Variants in DYNC2H1 observed in about 807,000 individuals in gnomAD.
DYNC2H1 encodes cytoplasmic dynein 2 heavy chain 1.
In DYNC2H1, 410 loss-of-function variants were observed where a neutral mutation model predicts 570.0. The observed-to-expected ratio is 0.72, with a 90% CI of 0.66 to 0.78. The LOEUF is 0.78. Ranked by LOEUF, DYNC2H1 falls within the 30% of genes least tolerant of loss-of-function variation. The pLI is 0.00. For missense variants in DYNC2H1, 4,865 were observed against 5,046.4 expected, an observed-to-expected ratio of 0.96 and a Z score of 1.09; for synonymous variants, 1,688 against 1,677.6, an observed-to-expected ratio of 1.01 and a Z score of -0.15.
chr11:103,256,286 A>G lies in DYNC2H1; in HGVS notation c.10461+46A>G. On this transcript the variant is annotated intron_variant, in intron 68 of 88. Coordinates refer to ENST00000375735, the MANE Select transcript of DYNC2H1 (RefSeq NM_001377.3). The surrounding 1 kb of genome is among the most constrained non-coding windows in gnomAD (Gnocchi z 4.0). ...AATTTCGTATTATGTTTTCTTGAAC[A>G]TTTAGGTTAATATGATAGAAAATGT... The G allele has an allele frequency of 6.6e-7, 1 of 1,524,314 alleles. No homozygotes were observed. Among genetic ancestry groups the G allele is most frequent in the Non-Finnish European group, 8.9e-7 (1 of 1,127,418 alleles). The allele number at this position is 1,524,314 out of a possible 1,614,324, so 94.4% of individuals were successfully genotyped here. A position where few individuals can be genotyped will look rare whatever the true frequency, so the allele number is the denominator to read the frequency against.
chr11:103,156,888 A>G, intron 26 of DYNC2H1, 118 bp downstream of exon 26: 2 of 1,287,428 alleles, frequency 1.6e-6, no homozygotes, highest in Non-Finnish European at 2.1e-6. Context: ...CTGTGTATTC[A>G]AATTCTTTCC....
At chr11:103,266,550 G>C (rs564697966) in intron 70 of DYNC2H1, among the ~76,000 whole-genome samples, 4 of 152,146 alleles carry the variant, frequency 2.6e-5, no homozygotes, top group Non-Finnish European at 5.9e-5. Flanking sequence ...CTCTTTTTGC[G>C]ATGGTGGTGG....
intron 85 of DYNC2H1, among the ~76,000 whole-genome samples, chr11:103,450,604 T>C (rs963828924): frequency 6.6e-6 from 1 of 151,914 alleles, no homozygotes. Flanking sequence ...AAAGAAGATA[T>C]CAAAAATAAA....
rs1859372229 is a variant in DYNC2H1, at chr11:103,133,364, G to T, written c.1954-191G>T. On this transcript the variant is annotated intron_variant, in intron 13 of 88. Transcript: ENST00000375735. The surrounding 1 kb of genome is among the most constrained non-coding windows in gnomAD (Gnocchi z 4.8). ...TGTCTAGGGCTTTTTAGTTGTAAAA[G>T]GGAGAAGCTGGAAGAAATGGGCTAC... is the stretch of plus-strand genomic sequence containing the variant. Among the ~76,000 whole-genome samples, 1 of 152,122 alleles carries T rather than the reference G, an allele frequency of 6.6e-6. No individual in the cohort carries two copies. The highest frequency in any genetic ancestry group is 6.5e-5 in the Admixed American group (1 of 15,270).
At chr11:103,159,113 A>T in intron 28 of DYNC2H1, 86 bp downstream of exon 28, 8 of 997,036 alleles carry the variant, frequency 8.0e-6, no homozygotes, top group South Asian at 1.5e-5. Flanking sequence ...TAGACTACTG[A>T]ATACAGCAGT....
At chr11:103,375,419 C>T (rs941216425) in intron 83 of DYNC2H1, among the ~76,000 whole-genome samples, 1 of 152,164 alleles carries the variant, frequency 6.6e-6, no homozygotes, top group Non-Finnish European at 1.5e-5. Context: ...ATCCTCCAGA[C>T]CCCAGAATGG....
At chr11:103,356,451 C>A (rs1045954876) in intron 82 of DYNC2H1, among the ~76,000 whole-genome samples, 1 of 152,124 alleles carries the variant, frequency 6.6e-6, no homozygotes, top group African/African-American at 2.4e-5. Flanking sequence ...ATTCTTAAAA[C>A]AGATTTTAAC....
rs634800 is a variant in DYNC2H1 at position 103,209,510 on chromosome 11, A to T, written c.8455-366A>T. 5.9e-5 allele frequency among the ~76,000 whole-genome samples: 9 copies of T among 151,866 alleles called. No homozygotes were observed. Among genetic ancestry groups the T allele is most frequent in the Non-Finnish European group, 1.0e-4 (7 of 67,846 alleles). On this transcript the variant is annotated intron_variant, in intron 52 of 88. Transcript: ENST00000375735. This position sits in a 1 kb window ranked among gnomAD's most constrained non-coding sequence, Gnocchi z 4.2. ...AGCTAAGAATCCTTGCTACCCCACT[A>T]TGTCATGAAGGCATTTTACTAGTTT...
rs1275865339 is a variant in DYNC2H1, at chr11:103,323,928, C to A, written c.11977C>A (p.Pro3993Thr). 2 of 1,612,936 alleles carry A rather than the reference C, an allele frequency of 1.2e-6. No individual in the cohort carries two copies. Among genetic ancestry groups the A allele is most frequent in the Admixed American group, 3.3e-5 (2 of 59,992 alleles). The change falls in exon 82 of 89, where the codon CCT becomes ACT. Residue 3993 changes from proline (P) to threonine (T), a missense_variant. Transcript: ENST00000375735. ...TGAGAAAATTCCAGAGGACGACAAA[C>A]CTAGTTTCTTTGGTCTGCCTGCCAA... is the stretch of plus-strand genomic sequence containing the variant. ...VIEKIPEDDK[P>T]SFFGLPANIA... is the part of the protein sequence containing the mutation.
At chr11:103,331,508 C>T (rs530423706) in intron 82 of DYNC2H1, among the ~76,000 whole-genome samples, 1 of 152,266 alleles carries the variant, frequency 6.6e-6, no homozygotes, top group Non-Finnish European at 1.5e-5. Context: ...TCAAATCCAG[C>T]CCAACTCCTC....
chr11:103,204,864 C>G lies in DYNC2H1; in HGVS notation c.8354C>G (p.Ala2785Gly). The G allele has an allele frequency of 6.3e-7, 1 of 1,589,252 alleles. No homozygotes were observed. The highest frequency in any genetic ancestry group is 8.6e-7 in the Non-Finnish European group (1 of 1,166,556). ...CATATTGTCTTGATAATGGATTCTGCAAATTCAAACTTCATGATAAACTGT... is the reference window on the plus strand; with the variant it reads ...CATATTGTCTTGATAATGGATTCTGGAAATTCAAACTTCATGATAAACTGT... Reference protein sequence around the residue: ...NLHIVLIMDSANSNFMINCES... With the variant: ...NLHIVLIMDSGNSNFMINCES... The change falls in exon 52 of 89, where the codon GCA becomes GGA. Residue 2785 changes from alanine (A) to glycine (G), a missense_variant. Ala to Gly is a moderately conservative substitution (Grantham distance 60). This residue lies in a region of DYNC2H1 where 2,401 missense variants were observed against 2,454.6 expected (regional missense o/e 0.98). Coordinates refer to ENST00000375735, the MANE Select transcript of DYNC2H1 (RefSeq NM_001377.3). This position sits in a 1 kb window ranked among gnomAD's most constrained non-coding sequence, Gnocchi z 4.1.
chr11:103,370,204 C>T (rs1941090435), intron 83 of DYNC2H1, among the ~76,000 whole-genome samples: 1 of 152,206 alleles, frequency 6.6e-6, no homozygotes, highest in African/African-American at 2.4e-5. Flanking sequence ...CCTGTTGTGG[C>T]AGTGGCCACG....
In DYNC2H1 at chr11:103,156,563, G is replaced by T; in HGVS notation, c.3920G>T (p.Cys1307Phe). ...GTAAATCAGGTTGGAGATAATAGATGCCTTCTCCAATCCTTAAAGGATTCT... is the reference window on the plus strand; with the variant it reads ...GTAAATCAGGTTGGAGATAATAGATTCCTTCTCCAATCCTTAAAGGATTCT... ...DIVNQVGDNR[C>F]LLQSLKDSPY... Residue 1307 changes from cysteine (C) to phenylalanine (F), a missense_variant, in exon 26 of 89, where the codon TGC becomes TTC. Cys to Phe is a radical substitution (Grantham distance 205, BLOSUM62 -2). Transcript: ENST00000375735. The T allele has an allele frequency of 6.2e-7, 1 of 1,613,526 alleles. No homozygotes were observed. Among genetic ancestry groups the T allele is most frequent in the Non-Finnish European group, 8.5e-7 (1 of 1,179,598 alleles).
chr11:103,428,558 A>C (rs1211021816), intron 84 of DYNC2H1, among the ~76,000 whole-genome samples: 1 of 152,198 alleles, frequency 6.6e-6, no homozygotes, highest in Non-Finnish European at 1.5e-5. Flanking sequence ...TGCAAAGTAC[A>C]TTGACATTGC....
At chr11:103,132,131 AAT>A (rs758079586) in intron 13 of DYNC2H1, among the ~76,000 whole-genome samples, 1 of 151,738 alleles carries the variant, frequency 6.6e-6, no homozygotes, top group Admixed American at 6.6e-5. Flanking sequence ...CTTGGAAGCT[AAT>A]ATATATATAT....
In DYNC2H1 at chr11:103,209,318, G is replaced by T. The variant is rs985124359; in HGVS notation, c.8455-558G>T. Among the ~76,000 whole-genome samples, 2 of 151,356 alleles carry T rather than the reference G, an allele frequency of 1.3e-5. No individual in the cohort carries two copies. The highest frequency in any genetic ancestry group is 6.6e-5 in the Admixed American group (1 of 15,198). ...TATTCTAAAGTAGCATTCTTATAAG[G>T]TTATCTTTACTTTAATAATAATGAT... On this transcript the variant is annotated intron_variant, in intron 52 of 88. Transcript: ENST00000375735. This position sits in a 1 kb window ranked among gnomAD's most constrained non-coding sequence, Gnocchi z 4.2.
At position 103,201,278 on chromosome 11, in the gene DYNC2H1, G is replaced by T. The variant is rs1387687178; in HGVS notation, c.8197+1124G>T. ...TCTCTAGAAATTTATGGCTAAGTGG[G>T]CTCTCTATGTATCTGGAATTCTATG... On this transcript the variant is annotated intron_variant, in intron 50 of 88. Coordinates refer to ENST00000375735, the MANE Select transcript of DYNC2H1 (RefSeq NM_001377.3). This position sits in a 1 kb window ranked among gnomAD's most constrained non-coding sequence, Gnocchi z 4.8. Among the ~76,000 whole-genome samples the T allele has an allele frequency of 6.6e-6, 1 of 152,036 alleles. No individual in the cohort carries two copies. Among genetic ancestry groups the T allele is most frequent in the Non-Finnish European group, 1.5e-5 (1 of 67,978 alleles).
intron 62 of DYNC2H1, 46 bp downstream of exon 62, chr11:103,235,859 T>C (rs371629880): frequency 1.8e-5 from 29 of 1,597,574 alleles, no homozygotes; most frequent in Non-Finnish European, 2.3e-5. Context: ...TATTTAGTTA[T>C]TCCTGAATTT....
intron 43 of DYNC2H1, among the ~76,000 whole-genome samples, chr11:103,187,916 A>G (rs1483572992): frequency 6.6e-6 from 1 of 152,102 alleles, no homozygotes; most frequent in Non-Finnish European, 1.5e-5. Flanking sequence ...TTCATGTTTT[A>G]AAGTATGCAT....
Sources: allele counts gnomAD v4.1 joint callset (sites outside exome capture counted in the v4.1 genomes callset), GRCh38; gene constraint gnomAD v4.1.1; regional missense constraint gnomAD v4.1.1; non-coding constraint Gnocchi (gnomAD v3.1); transcripts MANE v1.5; gene names NCBI Gene and HGNC (gene_info 2026-07-23, HGNC 2026-07-21).